CDK13: variants seen among roughly 807,000 people sequenced by gnomAD.
CDK13 encodes cyclin-dependent kinase 13.
A neutral mutation model predicts 137.6 loss-of-function variants in CDK13; 40 were observed. That is an observed-to-expected ratio of 0.29 (90% CI 0.23 to 0.38). CDK13 has a LOEUF of 0.38. Among genes scored for constraint, CDK13 ranks in the 10% least tolerant of loss-of-function variants. The pLI, the probability that CDK13 is intolerant of heterozygous loss-of-function variation, is 1.00. For synonymous variants in CDK13, 869 were observed against 760.1 expected (o/e 1.14, Z -2.36); for missense variants, 1,704 against 1,951.8 (o/e 0.87, Z 2.39).
At chr7:39,995,613 G>A (rs1784545038) in intron 2 of CDK13, among the ~76,000 whole-genome samples, 2 of 152,128 alleles carry the variant, frequency 1.3e-5, no homozygotes, top group Non-Finnish European at 2.9e-5. Flanking sequence ...TAAATTTCCA[G>A]TGCCTTACAA....
chr7:39,987,818 T>G lies in CDK13; in HGVS notation c.1431T>G (p.Thr477=). 1 of 1,614,034 alleles carries G rather than the reference T, an allele frequency of 6.2e-7. No homozygotes were observed. The highest frequency in any genetic ancestry group is 8.5e-7 in the Non-Finnish European group (1 of 1,179,992). The change falls in exon 2 of 14, where the codon ACT becomes ACG. Residue 477 remains threonine (T), a synonymous_variant. Transcript: ENST00000181839. ...AAEAAKAAEA[T]KAAEAAAKAA... is the part of the protein sequence containing the mutation. ...AAGCAGCGAAAGCTGCAGAAGCAAC[T>G]AAGGCTGCTGAGGCTGCTGCCAAGG...
intron 1 of CDK13, among the ~76,000 whole-genome samples, chr7:39,970,297 G>A (rs567840436): frequency 1.3e-5 from 2 of 151,414 alleles, no homozygotes; most frequent in South Asian, 4.2e-4. Flanking sequence ...CACTGTGTTC[G>A]GCCAGATTTA....
At chr7:40,058,625 T>G in intron 7 of CDK13, among the ~76,000 whole-genome samples, 2 of 151,876 alleles carry the variant, frequency 1.3e-5, no homozygotes, top group African/African-American at 2.4e-5. Context: ...AGTTAAGATA[T>G]TGTTGTGGTC....
intron 9 of CDK13, among the ~76,000 whole-genome samples, chr7:40,066,459 A>G (rs577568187): frequency 1.3e-5 from 2 of 152,318 alleles, no homozygotes; most frequent in Non-Finnish European, 2.9e-5. Context: ...TAGTAAGACT[A>G]TGTATTTATC....
In CDK13 at chr7:39,951,333, C is replaced by G; in HGVS notation, c.692C>G (p.Ser231Cys). 1 of 1,444,858 alleles carries G rather than the reference C, an allele frequency of 6.9e-7. No homozygotes were observed. Among genetic ancestry groups the G allele is most frequent in the East Asian group, 2.9e-5 (1 of 34,458 alleles). The allele number at this position is 1,444,858 out of a possible 1,614,324, so 89.5% of individuals were successfully genotyped here. A position where few individuals can be genotyped will look rare whatever the true frequency, so the allele number is the denominator to read the frequency against. Residue 231 changes from serine (S) to cysteine (C), a missense_variant, in exon 1 of 14, where the codon TCC becomes TGC. Ser to Cys is a moderately radical substitution (Grantham distance 112, BLOSUM62 -1). Transcript: ENST00000181839. ...GQRGGSEASK[S>C]RSRHSHSGEE... ...CGCGGTGGCAGCGAGGCCTCCAAGT[C>G]CCGCAGCCGCCACAGCCACAGCGGC...
chr7:40,078,129 G>A lies in CDK13; in HGVS notation c.2897+8G>A. 2.2e-6 allele frequency: 3 copies of A among 1,374,782 alleles called. No homozygotes were observed. The allele number at this position is 1,374,782 out of a possible 1,614,324, so 85.2% of individuals were successfully genotyped here. A position where few individuals can be genotyped will look rare whatever the true frequency, so the allele number is the denominator to read the frequency against. On this transcript the variant is annotated splice_region_variant and intron_variant, in intron 10 of 13. Transcript: ENST00000181839. ...AAGAGAAGAATTTGTTTTGTAAGAA[G>A]GGGATGTGTAAACATCCTTATTGCA...
intron 1 of CDK13, among the ~76,000 whole-genome samples, chr7:39,964,567 ACCAG>A (rs1783824893): frequency 1.3e-5 from 2 of 149,422 alleles, no homozygotes; most frequent in South Asian, 4.2e-4. Flanking sequence ...TTTTAAAAAA[ACCAG>A]CTCCTGGATT....
chr7:40,086,802 CCTTA>C (rs1020568039), intron 11 of CDK13, among the ~76,000 whole-genome samples: 4 of 150,416 alleles, frequency 2.7e-5, no homozygotes, highest in African/African-American at 9.7e-5. Flanking sequence ...TATGTTCTAG[CCTTA>C]CTCTTTTTTT....
rs915069129 is a variant in CDK13 at position 39,950,507 on chromosome 7, C to T, written c.-135C>T. On this transcript the variant is annotated 5_prime_UTR_variant, in exon 1 of 14. Coordinates refer to ENST00000181839, the MANE Select transcript of CDK13 (RefSeq NM_003718.5). Reference sequence around the variant, plus strand: ...GGACCCGAGTCCCGACCCGGATTATCGTGGCGCTTTTCCCGGCCGGCTCTG... The same window carrying T: ...GGACCCGAGTCCCGACCCGGATTATTGTGGCGCTTTTCCCGGCCGGCTCTG... 3.9e-6 allele frequency: 5 copies of T among 1,268,304 alleles called. No homozygotes were observed. In the South Asian group the frequency reaches 1.1e-4, roughly 28 times the overall value. 78.6% of individuals were successfully genotyped at this position (1,268,304 alleles called of 1,614,324 possible).
intron 9 of CDK13, among the ~76,000 whole-genome samples, chr7:40,074,424 G>C (rs930963866): frequency 6.6e-6 from 1 of 151,304 alleles, no homozygotes; most frequent in Non-Finnish European, 1.5e-5. Flanking sequence ...GTGGGAGGCT[G>C]AGGCAGGAGA....
chr7:39,982,954 C>G (rs1784260962), intron 1 of CDK13, among the ~76,000 whole-genome samples: 1 of 152,072 alleles, frequency 6.6e-6, no homozygotes, highest in Admixed American at 6.6e-5. Flanking sequence ...AATTTTCTCC[C>G]ATGTTGTAGG....
intron 5 of CDK13, among the ~76,000 whole-genome samples, chr7:40,021,106 T>C (rs1785109472): frequency 2.4e-4 from 16 of 65,346 alleles, no homozygotes; most frequent in Non-Finnish European, 3.4e-4. Flanking sequence ...AACAAACGTA[T>C]ATATATATAT....
At chr7:40,028,661 C>T (rs185333910) in intron 5 of CDK13, among the ~76,000 whole-genome samples, 1 of 152,192 alleles carries the variant, frequency 6.6e-6, no homozygotes, top group Admixed American at 6.5e-5. Flanking sequence ...TTTGCTTTGC[C>T]TGTGAGTTTA....
chr7:39,968,730 T>C (rs910583552), intron 1 of CDK13, among the ~76,000 whole-genome samples: 1 of 152,204 alleles, frequency 6.6e-6, no homozygotes, highest in Non-Finnish European at 1.5e-5. Flanking sequence ...TGAAGTCAGG[T>C]AGTGGGATAC....
At chr7:40,093,899 G>A (rs1462774411) in intron 13 of CDK13, among the ~76,000 whole-genome samples, 2 of 135,358 alleles carry the variant, frequency 1.5e-5, no homozygotes, top group Non-Finnish European at 3.1e-5. Flanking sequence ...GAGTGAGACC[G>A]TGTCACCAAA....
intron 5 of CDK13, among the ~76,000 whole-genome samples, chr7:40,003,198 ACACACACACTCTCT>A (rs796877784): frequency 0.09 from 7,988 of 89,048 alleles, 218 homozygotes; most frequent in East Asian, 0.14. Flanking sequence ...ACACACACAC[ACACACACACTCTCT>A]CTCTCTCTCT....
At chr7:40,065,481 C>A (rs1251843491) in intron 9 of CDK13, among the ~76,000 whole-genome samples, 1 of 151,648 alleles carries the variant, frequency 6.6e-6, no homozygotes, top group East Asian at 1.9e-4. Flanking sequence ...AAAAAAAATT[C>A]CAAAAAAAAA....
intron 1 of CDK13, among the ~76,000 whole-genome samples, chr7:39,965,112 T>G (rs1583915759): frequency 6.6e-6 from 1 of 152,148 alleles, no homozygotes; most frequent in East Asian, 1.9e-4. Context: ...TGATTTGGGG[T>G]GGAGAGTTCT....
chr7:39,950,430 C>T lies in CDK13; in HGVS notation c.-212C>T. Reference sequence around the variant, plus strand: ...GGGAGCTCCGCCGCCCGGATTCCTGCTTCCCTGGGGCCCGGAGGCTGCTGC... The same window carrying T: ...GGGAGCTCCGCCGCCCGGATTCCTGTTTCCCTGGGGCCCGGAGGCTGCTGC... On this transcript the variant is annotated 5_prime_UTR_variant, in exon 1 of 14. Transcript: ENST00000181839. 1.6e-6 allele frequency: 2 copies of T among 1,233,938 alleles called. No homozygotes were observed. Among genetic ancestry groups the T allele is most frequent in the Non-Finnish European group, 2.0e-6 (2 of 989,238 alleles). 76.4% of individuals were successfully genotyped at this position (1,233,938 alleles called of 1,614,324 possible).
Sources: allele counts gnomAD v4.1 joint callset (sites outside exome capture counted in the v4.1 genomes callset), GRCh38; gene constraint gnomAD v4.1.1; transcripts MANE v1.5; gene names NCBI Gene and HGNC (gene_info 2026-07-23, HGNC 2026-07-21).